The following MYRIP variants were observed in gnomAD, a reference collection of about 807,000 sequenced individuals.
MYRIP encodes the protein rab effector MyRIP.
In MYRIP, 49 loss-of-function variants were observed where a neutral mutation model predicts 98.0. The observed-to-expected ratio is 0.50, with a 90% CI of 0.40 to 0.63. The LOEUF is 0.63. Among genes scored for constraint, MYRIP ranks in the 30% least tolerant of loss-of-function variants. The pLI is 0.00. For missense variants in MYRIP, 1,004 were observed against 1,058.2 expected, an observed-to-expected ratio of 0.95 and a Z score of 0.71; for synonymous variants, 404 against 409.5, an observed-to-expected ratio of 0.99 and a Z score of 0.16.
intron 4 of MYRIP, among the ~76,000 whole-genome samples, chr3:40,156,372 A>G (rs1050900883): frequency 5.9e-5 from 9 of 152,186 alleles, no homozygotes; most frequent in Non-Finnish European, 1.0e-4. Context: ...TGGTACCAGT[A>G]CCATGCTTGT....
chr3:40,253,288 T>C lies in MYRIP; in HGVS notation c.2547+1289T>C, dbSNP rs536068400. Reference sequence around the variant, plus strand: ...GAGTCACTGCCTGCCCAGTGACATATGTTCAACAGCCGCGGTATCCTGACC... The same window carrying C: ...GAGTCACTGCCTGCCCAGTGACATACGTTCAACAGCCGCGGTATCCTGACC... On this transcript the variant is annotated intron_variant, in intron 16 of 16. Coordinates refer to ENST00000302541, the MANE Select transcript of MYRIP (RefSeq NM_015460.4). Among the ~76,000 whole-genome samples, 37 of 152,314 alleles carry C rather than the reference T, an allele frequency of 2.4e-4. No individual in the cohort carries two copies. In the South Asian group the frequency reaches 7.0e-3, roughly 29 times the overall value.
intron 12 of MYRIP, among the ~76,000 whole-genome samples, chr3:40,234,749 C>T (rs890600762): frequency 6.6e-6 from 1 of 152,144 alleles, no homozygotes; most frequent in African/African-American, 2.4e-5. Context: ...AATCCCAGCA[C>T]TTTGGGAGGC....
chr3:40,027,058 A>G (rs908650892), intron 2 of MYRIP, among the ~76,000 whole-genome samples: 1 of 152,110 alleles, frequency 6.6e-6, no homozygotes, highest in African/African-American at 2.4e-5. Context: ...GAGCTGCTAA[A>G]ACCCACATCC....
At chr3:40,128,076 T>C (rs1169380275) in intron 3 of MYRIP, among the ~76,000 whole-genome samples, 1 of 152,228 alleles carries the variant, frequency 6.6e-6, no homozygotes, top group Non-Finnish European at 1.5e-5. Flanking sequence ...CTGAATCTTC[T>C]AATTCTGTAT....
intron 3 of MYRIP, among the ~76,000 whole-genome samples, chr3:40,146,091 C>T (rs1343714850): frequency 3.3e-5 from 5 of 152,190 alleles, no homozygotes; most frequent in Admixed American, 2.6e-4. Context: ...TGTTGATATA[C>T]TGATTATTGT....
chr3:40,219,349 T>C (rs1952250188), intron 11 of MYRIP, among the ~76,000 whole-genome samples: 1 of 152,220 alleles, frequency 6.6e-6, no homozygotes, highest in Non-Finnish European at 1.5e-5. Context: ...TTTATTATTA[T>C]CATAGTTTAA....
At chr3:39,945,201 G>A (rs901917884) in intron 2 of MYRIP, among the ~76,000 whole-genome samples, 2 of 151,144 alleles carry the variant, frequency 1.3e-5, no homozygotes, top group Admixed American at 6.6e-5. Context: ...TGGGCACAGC[G>A]GGTCATGCCT....
intron 2 of MYRIP, among the ~76,000 whole-genome samples, chr3:39,973,251 C>A (rs958653284): frequency 6.6e-6 from 1 of 152,020 alleles, no homozygotes; most frequent in Non-Finnish European, 1.5e-5. Flanking sequence ...GGGCTGTAAT[C>A]CTAGTCTCTG....
At chr3:40,099,434 A>G (rs568377582) in intron 3 of MYRIP, among the ~76,000 whole-genome samples, 2 of 152,314 alleles carry the variant, frequency 1.3e-5, no homozygotes, top group Admixed American at 6.5e-5. Context: ...TGAGGATGAT[A>G]GCCATTTGTA....
chr3:39,935,453 G>A (rs1317448417), intron 2 of MYRIP, among the ~76,000 whole-genome samples: 1 of 151,892 alleles, frequency 6.6e-6, no homozygotes, highest in Admixed American at 6.6e-5. Flanking sequence ...CTATAGCTTC[G>A]AGGAGAAGTG....
intron 2 of MYRIP, among the ~76,000 whole-genome samples, chr3:39,951,901 G>A (rs1329754872): frequency 6.6e-6 from 1 of 152,114 alleles, no homozygotes; most frequent in Admixed American, 6.6e-5. Context: ...CGCGCTTTAT[G>A]ATGGTATAAT....
intron 3 of MYRIP, among the ~76,000 whole-genome samples, chr3:40,111,077 T>G (rs1048347288): frequency 2.1e-4 from 32 of 152,158 alleles, no homozygotes; most frequent in African/African-American, 7.7e-4. Context: ...AATGGCAAAG[T>G]TAGACCCCAG....
At position 40,123,302 on chromosome 3, in the gene MYRIP, G is replaced by A. The variant is rs539787172; in HGVS notation, c.333-27746G>A. Among the ~76,000 whole-genome samples the A allele has an allele frequency of 5.9e-5, 9 of 152,308 alleles. 1 individual carries two copies. The South Asian group carries it at 1.9e-3, about 32-fold the overall frequency. On this transcript the variant is annotated intron_variant, in intron 3 of 16. Transcript: ENST00000302541. Reference sequence around the variant, plus strand: ...TCAGTCACCCTGGCATTTTGTGGAAGAAGTTTCAGTAAGCTGAAGTTCGTT... The same window carrying A: ...TCAGTCACCCTGGCATTTTGTGGAAAAAGTTTCAGTAAGCTGAAGTTCGTT...
intron 2 of MYRIP, among the ~76,000 whole-genome samples, chr3:39,998,711 C>A (rs1946435549): frequency 6.6e-6 from 1 of 152,152 alleles, no homozygotes; most frequent in Admixed American, 6.5e-5. Context: ...AAAGAGCCCG[C>A]ATTGCCAAGT....
intron 2 of MYRIP, among the ~76,000 whole-genome samples, chr3:40,018,457 TCTGA>T (rs1431142771): frequency 6.6e-6 from 1 of 152,208 alleles, no homozygotes; most frequent in Non-Finnish European, 1.5e-5. Flanking sequence ...CAGTCTTCAT[TCTGA>T]CTTTCTTCTT....
At chr3:40,019,856 T>G (rs373950601) in intron 2 of MYRIP, among the ~76,000 whole-genome samples, 3 of 152,262 alleles carry the variant, frequency 2.0e-5, no homozygotes, top group African/African-American at 7.2e-5. Flanking sequence ...GAAAGAAAAC[T>G]TTTTGGGCAT....
At chr3:40,050,750 G>C (rs1313917456) in intron 3 of MYRIP, among the ~76,000 whole-genome samples, 1 of 152,136 alleles carries the variant, frequency 6.6e-6, no homozygotes, top group Admixed American at 6.6e-5. Flanking sequence ...ATGTCATAAA[G>C]AGCATTTGTG....
intron 1 of MYRIP, among the ~76,000 whole-genome samples, chr3:39,871,187 C>A (rs1255382902): frequency 6.6e-6 from 1 of 152,062 alleles, no homozygotes; most frequent in African/African-American, 2.4e-5. Flanking sequence ...TTTAGAAAAC[C>A]CCCAAATAGG....
At chr3:39,994,815 G>T (rs1392482961) in intron 2 of MYRIP, among the ~76,000 whole-genome samples, 1 of 152,166 alleles carries the variant, frequency 6.6e-6, no homozygotes, top group Non-Finnish European at 1.5e-5. Flanking sequence ...CACCTCACAC[G>T]ACTGGGTACT....
Sources: gnomAD v4.1 joint callset for allele counts (sites outside exome capture counted in the v4.1 genomes callset) on GRCh38, gnomAD v4.1.1 for gene constraint, MANE v1.5 for transcripts, NCBI Gene and HGNC (gene_info 2026-07-23, HGNC 2026-07-21) for gene names.